Variants in TBC1D31 observed in about 807,000 individuals in gnomAD.
TBC1D31 encodes the protein TBC1 domain family member 31.
Under a neutral mutation model 132.9 loss-of-function variants are expected in TBC1D31, and 99 were observed. That is an observed-to-expected ratio of 0.74 (90% CI 0.63 to 0.88). The LOEUF (loss-of-function observed/expected upper bound fraction) is 0.88, where lower values mean the gene tolerates loss of function less well. Ranked by LOEUF, TBC1D31 falls within the 40% of genes least tolerant of loss-of-function variation. The pLI is 0.00. For synonymous variants in TBC1D31, 385 were observed against 419.4 expected, an observed-to-expected ratio of 0.92 and a Z score of 1.00; for missense variants, 1,134 against 1,256.6, an observed-to-expected ratio of 0.90 and a Z score of 1.48.
the TBC1D31 span, among the ~76,000 whole-genome samples, chr8:123,164,925 T>C: frequency 2.6e-5 from 4 of 152,230 alleles, no homozygotes; most frequent in Admixed American, 2.6e-4. Flanking sequence ...ATTTTCCACT[T>C]AACAGTAAGC....
chr8:123,117,878 T>C (rs988704438), intron 10 of TBC1D31, among the ~76,000 whole-genome samples: 4 of 151,710 alleles, frequency 2.6e-5, no homozygotes, highest in Non-Finnish European at 5.9e-5. Context: ...CAGTGAGCCA[T>C]GATAGCACCA....
chr8:123,077,624 C>A (rs183013329), intron 2 of TBC1D31, among the ~76,000 whole-genome samples: 226 of 151,738 alleles, frequency 1.5e-3, no homozygotes, highest in Non-Finnish European at 2.1e-3. Context: ...CTCCGCCTCC[C>A]AGGTTCCAGC....
chr8:123,115,790 AG>A (rs1818858435), intron 10 of TBC1D31, among the ~76,000 whole-genome samples: 1 of 152,162 alleles, frequency 6.6e-6, no homozygotes, highest in Non-Finnish European at 1.5e-5. Context: ...GCAACCAGGA[AG>A]GGGTTCTTTG....
At chr8:123,162,940 C>G in the TBC1D31 span, among the ~76,000 whole-genome samples, 1 of 152,078 alleles carries the variant, frequency 6.6e-6, no homozygotes, top group Non-Finnish European at 1.5e-5. Context: ...TCAAGCGATT[C>G]TCCTGCCTCA....
At chr8:123,088,544 G>A (rs997534824) in intron 4 of TBC1D31, among the ~76,000 whole-genome samples, 1 of 152,076 alleles carries the variant, frequency 6.6e-6, no homozygotes, top group Admixed American at 6.6e-5. Context: ...TAAAACGTTC[G>A]GTTTTTAAAA....
At chr8:123,108,411 G>A (rs1432615778) in intron 8 of TBC1D31, among the ~76,000 whole-genome samples, 1 of 152,114 alleles carries the variant, frequency 6.6e-6, no homozygotes, top group Non-Finnish European at 1.5e-5. Context: ...GCTGATGTCT[G>A]TTAGGATAAA....
intron 10 of TBC1D31, 46 bp downstream of exon 10, chr8:123,109,666 T>C (rs1245014579): frequency 2.0e-6 from 3 of 1,482,152 alleles, no homozygotes; most frequent in Non-Finnish European, 2.7e-6. Context: ...CTGTAACTAA[T>C]AATTGCAATG....
chr8:123,126,455 T>C, intron 12 of TBC1D31, 53 bp from the exon 13 acceptor site: 1 of 1,507,274 alleles, frequency 6.6e-7, no homozygotes, highest in African/African-American at 1.4e-5. Flanking sequence ...TACCAATGAC[T>C]CCCTTTTTAC....
At position 123,152,150 on chromosome 8, in the gene TBC1D31, T is replaced by G. The variant is rs1438533850; in HGVS notation, c.*211T>G. On this transcript the variant is annotated 3_prime_UTR_variant, in exon 22 of 22. Coordinates refer to ENST00000287380, the MANE Select transcript of TBC1D31 (RefSeq NM_145647.4). ...ACAATAAAAATGTTTTAGAAACTGT[T>G]AAAGCTGTGTTAAGCTTTCAGGTTG... 1 of 421,256 alleles carries G rather than the reference T, an allele frequency of 2.4e-6. No individual in the cohort carries two copies. Among genetic ancestry groups the G allele is most frequent in the East Asian group, 4.0e-5 (1 of 25,186 alleles). 26.1% of individuals were successfully genotyped at this position (421,256 alleles called of 1,614,324 possible). A position where few individuals can be genotyped will look rare whatever the true frequency, so the allele number is the denominator to read the frequency against.
intron 10 of TBC1D31, among the ~76,000 whole-genome samples, chr8:123,113,269 T>G (rs1173511981): frequency 1.3e-5 from 2 of 152,210 alleles, no homozygotes; most frequent in Non-Finnish European, 2.9e-5. Context: ...CTTTCTAAAT[T>G]ATGAATGCTT....
chr8:123,111,672 A>G (rs541793738), intron 10 of TBC1D31, among the ~76,000 whole-genome samples: 2 of 152,240 alleles, frequency 1.3e-5, no homozygotes, highest in South Asian at 4.1e-4. Flanking sequence ...ATACACACAC[A>G]CACACTCACA....
intron 9 of TBC1D31, 25 bp downstream of exon 9, chr8:123,109,421 C>T: frequency 1.9e-6 from 3 of 1,607,280 alleles, no homozygotes; most frequent in East Asian, 2.2e-5. Flanking sequence ...CTGTATGTTA[C>T]ATCAGTTTTA....
chr8:123,077,083 T>G lies in TBC1D31; in HGVS notation c.78-28T>G, dbSNP rs760044610. 1.9e-5 allele frequency: 29 copies of G among 1,559,610 alleles called. No homozygotes were observed. The Middle Eastern group carries it at 5.1e-4, about 27-fold the overall frequency. On this transcript the variant is annotated intron_variant, in intron 1 of 21. Transcript: ENST00000287380. ...ATATCAAGTAATACGTGACATAGATTCAATGTTTGGGTTTTTTTCTTTGAC... is the reference window on the plus strand; with the variant it reads ...ATATCAAGTAATACGTGACATAGATGCAATGTTTGGGTTTTTTTCTTTGAC...
At chr8:123,103,800 T>G (rs1015575131) in intron 7 of TBC1D31, 1 of 152,226 alleles carries the variant, frequency 6.6e-6, no homozygotes, top group Non-Finnish European at 1.5e-5. Context: ...TCCTTTCTGC[T>G]TGTTATCTGT....
chr8:123,086,405 T>C (rs962039781), intron 4 of TBC1D31, among the ~76,000 whole-genome samples: 2 of 152,180 alleles, frequency 1.3e-5, no homozygotes, highest in African/African-American at 2.4e-5. Context: ...ACACGGGGTC[T>C]GGAGACTGGA....
Position 123,144,728 on chromosome 8 carries a change from T to C in TBC1D31, c.2847T>C (p.Ala949=). The C allele has an allele frequency of 6.2e-7, 1 of 1,604,352 alleles. No individual in the cohort carries two copies. The highest frequency in any genetic ancestry group is 8.5e-7 in the Non-Finnish European group (1 of 1,177,700). The part of the protein sequence containing the change: ...VEEEAKKWKE[A]EGKEFRLRSA... ...TTATTTGAATTTAGTGGAAGGAAGC[T>C]GAAGGAAAAGAGTTCCGTTTGAGAT... Residue 949 remains alanine, a synonymous_variant, in exon 20 of 22, where the codon GCT becomes GCC. Coordinates refer to ENST00000287380, the MANE Select transcript of TBC1D31 (RefSeq NM_145647.4).
chr8:123,100,884 G>A lies in TBC1D31; in HGVS notation c.909G>A (p.Gly303=), dbSNP rs1412163194. 2.5e-6 allele frequency: 4 copies of A among 1,613,894 alleles called. No homozygotes were observed. The highest frequency in any genetic ancestry group is 2.5e-6 in the Non-Finnish European group (3 of 1,179,896). Reference sequence around the variant, plus strand: ...CTTGTAAACTTCTCTTTGAGATTGGGAGCCTCGATGAAGGAATTAGCTCAT... The same window carrying A: ...CTTGTAAACTTCTCTTTGAGATTGGAAGCCTCGATGAAGGAATTAGCTCAT... The part of the protein sequence containing the change: ...MQTCKLLFEI[G]SLDEGISSSA... The change falls in exon 7 of 22, where the codon GGG becomes GGA. Residue 303 remains glycine, a synonymous_variant. Transcript: ENST00000287380.
chr8:123,076,683 G>A (rs554816838), intron 1 of TBC1D31, among the ~76,000 whole-genome samples: 41 of 152,234 alleles, frequency 2.7e-4, no homozygotes, highest in African/African-American at 9.6e-4. Flanking sequence ...TCATGCACGC[G>A]TAATTCACTG....
intron 19 of TBC1D31, among the ~76,000 whole-genome samples, chr8:123,143,205 C>T (rs1821872837): frequency 6.6e-6 from 1 of 152,168 alleles, no homozygotes; most frequent in South Asian, 2.1e-4. Context: ...GTCACACTCC[C>T]TTCTAACTTC....
Sources: gnomAD v4.1 joint callset for allele counts (sites outside exome capture counted in the v4.1 genomes callset) on GRCh38, gnomAD v4.1.1 for gene constraint, MANE v1.5 for transcripts, NCBI Gene and HGNC (gene_info 2026-07-23, HGNC 2026-07-21) for gene names.